CRISP1: variants seen among roughly 807,000 people sequenced by gnomAD.
CRISP1 encodes cysteine-rich secretory protein 1.
CRISP1 carries 44 observed loss-of-function variants against 33.1 expected under a neutral mutation model. The ratio of observed to expected loss-of-function variants is 1.33; its 90% CI spans 1.05 to 1.71. CRISP1 has a LOEUF of 1.71. Ranked by LOEUF, CRISP1 falls within the 40% of genes most tolerant of loss-of-function variation. The pLI, the probability that CRISP1 is intolerant of heterozygous loss-of-function variation, is 0.00. For synonymous variants in CRISP1, 103 were observed against 98.7 expected (o/e 1.04, Z -0.26); for missense variants, 390 against 301.2 (o/e 1.29, Z -2.18).
At position 49,835,291 on chromosome 6, in the gene CRISP1, T is replaced by C; in HGVS notation, c.*25A>G. Reference sequence around the variant, plus strand: ...ACATCTCCTCCTCATCGTCACAGCATAGAACAGTTGAAAATAACAAAGACC... The same window carrying C: ...ACATCTCCTCCTCATCGTCACAGCACAGAACAGTTGAAAATAACAAAGACC... On this transcript the variant is annotated 3_prime_UTR_variant, in exon 8 of 8. Coordinates refer to ENST00000335847, the MANE Select transcript of CRISP1 (RefSeq NM_001131.3). 3 of 1,612,444 alleles carry C rather than the reference T, an allele frequency of 1.9e-6. No homozygotes were observed. Among genetic ancestry groups the C allele is most frequent in the East Asian group, 2.2e-5 (1 of 44,804 alleles).
chr6:49,836,497 T>G (rs918446528), intron 7 of CRISP1, among the ~76,000 whole-genome samples: 4 of 151,174 alleles, frequency 2.6e-5, no homozygotes, highest in African/African-American at 7.3e-5. Flanking sequence ...CATCACGCCC[T>G]GCTAATTTTT....
At chr6:49,845,230 G>A (rs1210846992) in intron 5 of CRISP1, among the ~76,000 whole-genome samples, 3 of 152,152 alleles carry the variant, frequency 2.0e-5, no homozygotes, top group Non-Finnish European at 4.4e-5. Flanking sequence ...ATGAACAGAT[G>A]CTAGACAGCT....
At chr6:49,854,437 G>A (rs923286818) in intron 2 of CRISP1, among the ~76,000 whole-genome samples, 1 of 152,102 alleles carries the variant, frequency 6.6e-6, no homozygotes, top group Admixed American at 6.6e-5. Flanking sequence ...GCACGATCTT[G>A]GCTCACTGCA....
chr6:49,857,131 T>C (rs1461082370), intron 2 of CRISP1, among the ~76,000 whole-genome samples: 3 of 152,178 alleles, frequency 2.0e-5, no homozygotes, highest in Non-Finnish European at 2.9e-5. Flanking sequence ...ATTGGCCATA[T>C]TACTCAACTT....
intron 1 of CRISP1, among the ~76,000 whole-genome samples, chr6:49,875,518 T>C (rs116829954): frequency 0.034 from 5,174 of 152,246 alleles, 129 homozygotes; most frequent in Middle Eastern, 0.071. Context: ...AAACTATCAT[T>C]GGCATTCTTC....
chr6:49,858,655 T>C (rs1266322872), intron 1 of CRISP1, among the ~76,000 whole-genome samples: 1 of 152,144 alleles, frequency 6.6e-6, no homozygotes, highest in African/African-American at 2.4e-5. Context: ...CTCCAAATGT[T>C]CACATAGCCT....
At chr6:49,855,056 C>A (rs1303981815) in intron 2 of CRISP1, among the ~76,000 whole-genome samples, 1 of 152,104 alleles carries the variant, frequency 6.6e-6, no homozygotes, top group Non-Finnish European at 1.5e-5. Context: ...GCAGCTGACT[C>A]TTTTGACTAA....
At chr6:49,871,576 T>A in intron 1 of CRISP1, among the ~76,000 whole-genome samples, 1 of 106,452 alleles carries the variant, frequency 9.4e-6, no homozygotes, top group Non-Finnish European at 1.7e-5. Context: ...CAGGCCCCAG[T>A]GTGTGATGTT....
In CRISP1 at chr6:49,838,496, G is replaced by C. The variant is rs541802480; in HGVS notation, c.563C>G (p.Pro188Arg). 4.3e-6 allele frequency: 7 copies of C among 1,612,644 alleles called. No homozygotes were observed. Among genetic ancestry groups the C allele is most frequent in the South Asian group, 1.1e-5 (1 of 90,760 alleles). Residue 188 changes from proline to arginine, a missense_variant, in exon 7 of 8, where the codon CCT (proline) becomes CGT (arginine). By Grantham distance (103) the Pro-to-Arg change is moderately radical. Transcript: ENST00000335847. ...TTCACATGGGACGCCTGTCTTATAA[G>C]GTTCATTCTTTGTTTCAGGATCATT... ...EGNDPETKNE[P>R]YKTGVPCEAC...
intron 2 of CRISP1, among the ~76,000 whole-genome samples, chr6:49,855,177 A>C (rs1771459264): frequency 6.6e-6 from 1 of 152,058 alleles, no homozygotes. Flanking sequence ...GCTACTGTCT[A>C]GCTTTCAACT....
intron 5 of CRISP1, among the ~76,000 whole-genome samples, chr6:49,842,058 A>G (rs1356688274): frequency 6.6e-6 from 1 of 152,182 alleles, no homozygotes; most frequent in Non-Finnish European, 1.5e-5. Context: ...ACATGTTTGT[A>G]TGACTCTTTT....
At chr6:49,854,859 A>T (rs1445210917) in intron 2 of CRISP1, among the ~76,000 whole-genome samples, 1 of 152,160 alleles carries the variant, frequency 6.6e-6, no homozygotes, top group Non-Finnish European at 1.5e-5. Context: ...GAGGGCAAGG[A>T]TGCTGCTGCT....
At chr6:49,842,689 C>T (rs1771033808) in intron 5 of CRISP1, among the ~76,000 whole-genome samples, 1 of 152,056 alleles carries the variant, frequency 6.6e-6, no homozygotes, top group Non-Finnish European at 1.5e-5. Flanking sequence ...GCTACTTGCC[C>T]TTCCCTGCGC....
intron 3 of CRISP1, 95 bp downstream of exon 3, chr6:49,851,906 C>A: frequency 7.1e-7 from 1 of 1,411,182 alleles, no homozygotes; most frequent in South Asian, 1.5e-5. Flanking sequence ...GAAGATAAAA[C>A]TTTTAGCACT....
chr6:49,835,957 C>G (rs1400984911), intron 7 of CRISP1, among the ~76,000 whole-genome samples: 1 of 152,166 alleles, frequency 6.6e-6, no homozygotes, highest in Non-Finnish European at 1.5e-5. Context: ...TCACCTTGCT[C>G]TATCCCATGG....
At chr6:49,867,392 A>G (rs1452843168), upstream of CRISP1, among the ~76,000 whole-genome samples, 2 of 152,100 alleles carry the variant, frequency 1.3e-5, no homozygotes, top group Non-Finnish European at 2.9e-5. Flanking sequence ...TTTTAAAATT[A>G]TGAATTAAGT....
intron 2 of CRISP1, among the ~76,000 whole-genome samples, chr6:49,852,667 A>G (rs902143666): frequency 3.5e-4 from 53 of 152,302 alleles, no homozygotes; most frequent in African/African-American, 1.3e-3. Context: ...CATATGAGAA[A>G]ACATCAATGC....
chr6:49,872,829 T>A (rs989421599), intron 1 of CRISP1, among the ~76,000 whole-genome samples: 1 of 152,200 alleles, frequency 6.6e-6, no homozygotes, highest in Non-Finnish European at 1.5e-5. Context: ...TGAAGTCAGG[T>A]AGCATGATGC....
chr6:49,863,837 A>G (rs1003549866), intron 1 of CRISP1, among the ~76,000 whole-genome samples: 4 of 152,184 alleles, frequency 2.6e-5, no homozygotes, highest in Non-Finnish European at 5.9e-5. Context: ...ATTAACATGA[A>G]CTCTACAAGA....
Sources: gnomAD v4.1 joint callset for allele counts (sites outside exome capture counted in the v4.1 genomes callset) on GRCh38, gnomAD v4.1.1 for gene constraint, MANE v1.5 for transcripts, NCBI Gene and HGNC (gene_info 2026-07-23, HGNC 2026-07-21) for gene names.